The following CA1 variants were observed in gnomAD, a reference collection of about 807,000 sequenced individuals.
CA1 encodes the protein carbonate dehydratase I.
Under a neutral mutation model 28.8 loss-of-function variants are expected in CA1, and 27 were observed. The observed-to-expected ratio is 0.94, with a 90% confidence interval of 0.69 to 1.29. The LOEUF is 1.29. Ranked by LOEUF, CA1 falls within the 50% of genes most tolerant of loss-of-function variation. The pLI is 0.00. For missense variants in CA1, 335 were observed against 310.5 expected, an observed-to-expected ratio of 1.08 and a Z score of -0.59; for synonymous variants, 121 against 108.8, an observed-to-expected ratio of 1.11 and a Z score of -0.70.
Position 85,332,555 on chromosome 8 carries a change from G to T in CA1, c.451-3C>A, listed in dbSNP as rs749947013. On this transcript the variant is annotated splice_region_variant and splice_polypyrimidine_tract_variant and intron_variant, in intron 5 of 7. Coordinates refer to ENST00000523022, the MANE Select transcript of CA1 (RefSeq NM_001128831.4). ...AGCTTTGGGTTGGCCTCACCAACCT[G>T]GAGATTTAAGAAAATAAAGTATGAG... is the stretch of plus-strand genomic sequence containing the variant. 2.5e-6 allele frequency: 4 copies of T among 1,607,204 alleles called. No individual in the cohort carries two copies. The highest frequency in any genetic ancestry group is 3.3e-5 in the Admixed American group (2 of 59,968).
intron 1 of CA1, among the ~76,000 whole-genome samples, chr8:85,350,275 C>A (rs987430705): frequency 1.3e-5 from 2 of 152,162 alleles, no homozygotes; most frequent in African/African-American, 2.4e-5. Flanking sequence ...GAGTGCAGGG[C>A]AGCTTCTCCT....
chr8:85,334,731 G>T (rs980659311), intron 4 of CA1, among the ~76,000 whole-genome samples: 1 of 151,598 alleles, frequency 6.6e-6, no homozygotes, highest in Non-Finnish European at 1.5e-5. Context: ...AGTATCTCAC[G>T]CCTGTAATTC....
chr8:85,365,898 G>A (rs1192162445), intron 1 of CA1, among the ~76,000 whole-genome samples: 1 of 152,158 alleles, frequency 6.6e-6, no homozygotes, highest in Non-Finnish European at 1.5e-5. Context: ...CCAGGCAGAG[G>A]GCAGTGGCTC....
intron 1 of CA1, among the ~76,000 whole-genome samples, chr8:85,363,686 C>T (rs928466613): frequency 6.6e-6 from 1 of 152,196 alleles, no homozygotes; most frequent in Admixed American, 6.5e-5. Context: ...ACCATTGCCT[C>T]TTACCTGCTG....
intron 1 of CA1, among the ~76,000 whole-genome samples, chr8:85,345,304 A>G (rs907248999): frequency 6.6e-6 from 1 of 152,130 alleles, no homozygotes; most frequent in African/African-American, 2.4e-5. Flanking sequence ...TATAGCCTCA[A>G]ATATCTCCTG....
intron 1 of CA1, among the ~76,000 whole-genome samples, chr8:85,368,721 AAG>A (rs1357440226): frequency 6.6e-6 from 1 of 152,160 alleles, no homozygotes; most frequent in African/African-American, 2.4e-5. Flanking sequence ...AGGTAAAAAA[AAG>A]AGAGAAAACT....
chr8:85,365,225 A>T (rs530100306), intron 1 of CA1, among the ~76,000 whole-genome samples: 1 of 152,260 alleles, frequency 6.6e-6, no homozygotes, highest in Non-Finnish European at 1.5e-5. Flanking sequence ...GGTGACTTCT[A>T]TGAACTTCCA....
intron 2 of CA1, among the ~76,000 whole-genome samples, chr8:85,338,897 G>T (rs1369467415): frequency 6.6e-6 from 1 of 151,642 alleles, no homozygotes; most frequent in Non-Finnish European, 1.5e-5. Flanking sequence ...TGTATTTTTA[G>T]TAGAGATGGG....
intron 1 of CA1, among the ~76,000 whole-genome samples, chr8:85,343,535 A>G (rs1028747242): frequency 2.3e-4 from 35 of 152,172 alleles, no homozygotes; most frequent in African/African-American, 8.2e-4. Flanking sequence ...AAGCTCATGG[A>G]GTGACAGGAG....
At chr8:85,365,860 C>G (rs78517824) in intron 1 of CA1, among the ~76,000 whole-genome samples, 6,465 of 152,218 alleles carry the variant, frequency 0.042, 222 homozygotes, top group Non-Finnish European at 0.066. Flanking sequence ...GCCTAGGGAC[C>G]TCCAAAATAA....
Position 85,334,626 on chromosome 8 carries a change from T to C in CA1, c.355-1006A>G, listed in dbSNP as rs28633683. ...TCCCTTCCTTCCTCCCTCCCTTCCT[T>C]CCTTCCTCCCTCCCTTCTTTCCTGC... is the stretch of plus-strand genomic sequence containing the variant. On this transcript the variant is annotated intron_variant, in intron 4 of 7. Coordinates refer to ENST00000523022, the MANE Select transcript of CA1 (RefSeq NM_001128831.4). 8.5e-3 allele frequency among the ~76,000 whole-genome samples: 1,242 copies of C among 145,580 alleles called. 14 individuals are homozygous for C. Among genetic ancestry groups the C allele is most frequent in the African/African-American group, 0.03 (1,178 of 39,384 alleles).
chr8:85,328,871 T>G (rs1808282474), intron 7 of CA1, among the ~76,000 whole-genome samples, 195 bp from the exon 8 acceptor site: 1 of 151,992 alleles, frequency 6.6e-6, no homozygotes, highest in Non-Finnish European at 1.5e-5. Flanking sequence ...AATTATTGAT[T>G]TAATTATTTA....
At chr8:85,334,381 C>G (rs148925142) in intron 4 of CA1, among the ~76,000 whole-genome samples, 122 of 152,284 alleles carry the variant, frequency 8.0e-4, no homozygotes, top group Admixed American at 1.3e-3. Flanking sequence ...CAACTTTGAG[C>G]CTTTGCATTA....
chr8:85,340,619 T>G (rs1463665839), intron 2 of CA1, among the ~76,000 whole-genome samples: 1 of 152,244 alleles, frequency 6.6e-6, no homozygotes, highest in Non-Finnish European at 1.5e-5. Flanking sequence ...GATAATAATT[T>G]TTTTTATGAT....
At chr8:85,342,278 AAC>A (rs1045883093) in intron 1 of CA1, among the ~76,000 whole-genome samples, 3 of 152,156 alleles carry the variant, frequency 2.0e-5, no homozygotes, top group Non-Finnish European at 2.9e-5. Context: ...AGTTAAATAT[AAC>A]ACAATATTTA....
At chr8:85,338,783 G>T (rs561958255) in intron 2 of CA1, among the ~76,000 whole-genome samples, 1 of 141,242 alleles carries the variant, frequency 7.1e-6, no homozygotes, top group African/African-American at 2.6e-5. Flanking sequence ...ATGCGCTCTT[G>T]GCTCACTGCA....
intron 3 of CA1, 141 bp from the exon 4 acceptor site, chr8:85,337,204 C>T (rs1808698393): frequency 2.9e-6 from 2 of 691,296 alleles, no homozygotes; most frequent in South Asian, 1.5e-5. Context: ...CTTGTTTTCC[C>T]CCACATCCAT....
intron 1 of CA1, among the ~76,000 whole-genome samples, chr8:85,357,598 T>C (rs1809650350): frequency 6.6e-6 from 1 of 152,176 alleles, no homozygotes; most frequent in Non-Finnish European, 1.5e-5. Context: ...AATTTGAAGG[T>C]AGCAGGGAAA....
Position 85,338,426 on chromosome 8 carries a change from A to G in CA1, c.61T>C (p.Tyr21His). ...TGGTTATTTCCATTGGCAATGGGAT[A>G]CAGCTTGCTCCATTGTTCAGGACCT... is the stretch of plus-strand genomic sequence containing the variant. ...KNGPEQWSKL[Y>H]PIANGNNQSP... Residue 21 changes from tyrosine (Y) to histidine (H), a missense_variant, in exon 3 of 8, where the codon TAT (tyrosine) becomes CAT (histidine). By Grantham distance (83) the Tyr-to-His change is moderately conservative. Coordinates refer to ENST00000523022, the MANE Select transcript of CA1 (RefSeq NM_001128831.4). 6.2e-7 allele frequency: 1 copy of G among 1,613,946 alleles called. No individual in the cohort carries two copies. Among genetic ancestry groups the G allele is most frequent in the Non-Finnish European group, 8.5e-7 (1 of 1,179,868 alleles).
Sources: allele counts gnomAD v4.1 joint callset (sites outside exome capture counted in the v4.1 genomes callset), GRCh38; gene constraint gnomAD v4.1.1; transcripts MANE v1.5; gene names NCBI Gene and HGNC (gene_info 2026-07-23, HGNC 2026-07-21).